The following DLGAP2 variants were observed in gnomAD, a reference collection of about 807,000 sequenced individuals.
DLGAP2 encodes the protein disks large-associated protein 2.
Under a neutral mutation model 100.3 loss-of-function variants are expected in DLGAP2, and 26 were observed. That is an observed-to-expected ratio of 0.26 (90% CI 0.19 to 0.36). The LOEUF is 0.36. DLGAP2 is among the 10% of genes least tolerant of loss of function. The pLI is 1.00. For missense variants in DLGAP2, 1,858 were observed against 1,453.2 expected (o/e 1.28, Z -4.53); for synonymous variants, 886 against 630.1 (o/e 1.41, Z -6.08).
intron 2 of DLGAP2, among the ~76,000 whole-genome samples, chr8:1,082,615 A>T (rs906136793): frequency 7.2e-5 from 11 of 152,240 alleles, no homozygotes; most frequent in African/African-American, 2.7e-4. Context: ...TGTGTCAATC[A>T]TCTGCCTCCA....
At chr8:1,132,741 G>T (rs1056801973) in intron 2 of DLGAP2, among the ~76,000 whole-genome samples, 9 of 152,206 alleles carry the variant, frequency 5.9e-5, no homozygotes, top group African/African-American at 2.2e-4. Context: ...AGGTAGGGTT[G>T]CAGAAGCTAC....
At chr8:1,317,223 C>A (rs1212407152) in intron 3 of DLGAP2, among the ~76,000 whole-genome samples, 3 of 136,406 alleles carry the variant, frequency 2.2e-5, no homozygotes, top group Admixed American at 7.5e-5. Context: ...ACTCGAGACA[C>A]TCGGCAGCGT....
intron 6 of DLGAP2, among the ~76,000 whole-genome samples, chr8:1,608,792 A>G (rs1005003576): frequency 4.0e-5 from 6 of 150,556 alleles, no homozygotes; most frequent in Non-Finnish European, 5.9e-5. Context: ...GGGTATCAGC[A>G]GTGGAAGATG....
At chr8:1,472,865 A>T (rs1489117503) in intron 3 of DLGAP2, among the ~76,000 whole-genome samples, 2 of 152,238 alleles carry the variant, frequency 1.3e-5, no homozygotes, top group Non-Finnish European at 2.9e-5. Flanking sequence ...TACTTTTCAC[A>T]TGGCCCATAC....
At chr8:1,675,532 C>T (rs763402327) in intron 10 of DLGAP2, among the ~76,000 whole-genome samples, 1 of 152,226 alleles carries the variant, frequency 6.6e-6, no homozygotes, top group Non-Finnish European at 1.5e-5. Flanking sequence ...CAGGCTTAAC[C>T]TTAGGATAGT....
intron 3 of DLGAP2, among the ~76,000 whole-genome samples, chr8:1,303,940 T>A (rs1354478021): frequency 6.6e-6 from 1 of 152,154 alleles, no homozygotes; most frequent in Admixed American, 6.5e-5. Context: ...ATGGAGCCGC[T>A]GATGCACTCT....
At chr8:1,312,851 T>G (rs1247482878) in intron 3 of DLGAP2, among the ~76,000 whole-genome samples, 1 of 152,210 alleles carries the variant, frequency 6.6e-6, no homozygotes, top group Non-Finnish European at 1.5e-5. Context: ...AACGCGAGTG[T>G]CCATCTGTAG....
chr8:1,582,625 C>T (rs1033425833), intron 6 of DLGAP2, among the ~76,000 whole-genome samples: 3 of 152,056 alleles, frequency 2.0e-5, no homozygotes, highest in African/African-American at 4.8e-5. Flanking sequence ...AGTCTCGCTC[C>T]GTCACCCAGG....
chr8:832,830 C>T (rs1011691772), intron 1 of DLGAP2, among the ~76,000 whole-genome samples: 4 of 152,128 alleles, frequency 2.6e-5, no homozygotes, highest in Admixed American at 1.3e-4. Context: ...AGCTGAGCAG[C>T]GAAGACACTG....
chr8:758,586 G>C (rs952228496), intron 1 of DLGAP2, among the ~76,000 whole-genome samples: 7 of 152,114 alleles, frequency 4.6e-5, no homozygotes, highest in African/African-American at 1.7e-4. Context: ...ATTTGAGACA[G>C]GGTCTTATTC....
At chr8:1,053,620 C>T (rs1325039785) in intron 2 of DLGAP2, among the ~76,000 whole-genome samples, 1 of 152,052 alleles carries the variant, frequency 6.6e-6, no homozygotes, top group African/African-American at 2.4e-5. Context: ...GCGAGGAATT[C>T]CGTGGATGTG....
At chr8:1,364,463 C>G (rs1009652998) in intron 3 of DLGAP2, among the ~76,000 whole-genome samples, 5 of 147,990 alleles carry the variant, frequency 3.4e-5, no homozygotes, top group African/African-American at 1.0e-4. Context: ...TGAAAGGGCA[C>G]CGCTGCGAGA....
At chr8:1,349,598 TCCTG>T (rs1801658286) in intron 3 of DLGAP2, among the ~76,000 whole-genome samples, 3 of 129,494 alleles carry the variant, frequency 2.3e-5, no homozygotes, top group South Asian at 2.7e-4. Flanking sequence ...ATCATGAGCC[TCCTG>T]CCCACATCCA....
At chr8:1,691,184 A>T (rs1453240211) in intron 12 of DLGAP2, among the ~76,000 whole-genome samples, 1 of 152,176 alleles carries the variant, frequency 6.6e-6, no homozygotes, top group Non-Finnish European at 1.5e-5. Context: ...TGTTGCTTTC[A>T]CTCACACGTG....
chr8:1,608,879 A>G (rs1251098189), intron 6 of DLGAP2, among the ~76,000 whole-genome samples: 3 of 151,594 alleles, frequency 2.0e-5, no homozygotes, highest in African/African-American at 7.3e-5. Context: ...TCCAAGAAAT[A>G]TGGGACTATG....
chr8:787,615 G>A (rs1405385150), intron 1 of DLGAP2, among the ~76,000 whole-genome samples: 3 of 152,282 alleles, frequency 2.0e-5, no homozygotes, highest in South Asian at 2.1e-4. Context: ...GGCAGCGCCC[G>A]GAGTCAGGTT....
At chr8:1,225,221 C>G (rs1248242048) in intron 2 of DLGAP2, among the ~76,000 whole-genome samples, 2 of 152,176 alleles carry the variant, frequency 1.3e-5, no homozygotes, top group African/African-American at 2.4e-5. Context: ...GCCATATGTA[C>G]AGACAACGGA....
At chr8:1,111,873 G>A (rs940675739) in intron 2 of DLGAP2, among the ~76,000 whole-genome samples, 14 of 152,176 alleles carry the variant, frequency 9.2e-5, no homozygotes, top group African/African-American at 2.2e-4. Context: ...GCATTCACGT[G>A]CATGTGTCTT....
At chr8:882,533 C>G (rs1385380360) in intron 1 of DLGAP2, among the ~76,000 whole-genome samples, 1 of 78,686 alleles carries the variant, frequency 1.3e-5, no homozygotes, top group Non-Finnish European at 2.5e-5. Flanking sequence ...GCACCCTCGC[C>G]TGATCCAGCG....
Sources: allele counts gnomAD v4.1 joint callset (sites outside exome capture counted in the v4.1 genomes callset), GRCh38; gene constraint gnomAD v4.1.1; transcripts MANE v1.5; gene names NCBI Gene and HGNC (gene_info 2026-07-23, HGNC 2026-07-21).